Variants in CAD observed in about 807,000 individuals in gnomAD.
CAD encodes multifunctional protein CAD.
A neutral mutation model predicts 237.2 loss-of-function variants in CAD; 81 were observed. The ratio of observed to expected loss-of-function variants is 0.34; its 90% CI spans 0.29 to 0.41. The LOEUF is 0.41. CAD is among the 10% of genes least tolerant of loss of function. The probability of loss-of-function intolerance (pLI) is 1.00; values close to 1 mark genes in which losing one functional copy is unlikely to be tolerated. For missense variants in CAD, 2,181 were observed against 2,951.7 expected (o/e 0.74, Z 6.05); for synonymous variants, 1,196 against 1,162.8 (o/e 1.03, Z -0.58).
At chr2:27,227,025 A>G (rs1287538496) in intron 15 of CAD, 63 bp downstream of exon 15, 2 of 1,481,158 alleles carry the variant, frequency 1.4e-6, no homozygotes, top group Non-Finnish European at 1.9e-6. Flanking sequence ...TTAAATGTCA[A>G]GAGTTCCCTG....
In CAD at chr2:27,236,239, C is replaced by G. The variant is rs758325127; in HGVS notation, c.4075-45C>G. 1 of 1,601,732 alleles carries G rather than the reference C, an allele frequency of 6.2e-7. No individual in the cohort carries two copies. The highest frequency in any genetic ancestry group is 1.7e-5 in the Admixed American group (1 of 59,540). On this transcript the variant is annotated intron_variant, in intron 25 of 43. Transcript: ENST00000264705. This position sits in a 1 kb window ranked among gnomAD's most constrained non-coding sequence, Gnocchi z 4.1. ...TCTCCCTTAAGGCTAGCCTTCCTGA[C>G]CGCTGCCAGACAGCTTGGCCCTGAC...
chr2:27,233,919 A>ATG lies in CAD; in HGVS notation c.3400-86_3400-85dup, dbSNP rs1675882966. 6.5e-7 allele frequency: 1 copy of ATG among 1,542,462 alleles called. No individual in the cohort carries two copies. Among genetic ancestry groups the ATG allele is most frequent in the African/African-American group, 1.4e-5 (1 of 73,478 alleles). On this transcript the variant is annotated intron_variant, in intron 21 of 43. Coordinates refer to ENST00000264705, the MANE Select transcript of CAD (RefSeq NM_004341.5). This position sits in a 1 kb window ranked among gnomAD's most constrained non-coding sequence, Gnocchi z 6.3. ...GCACCAGGGCTGGGAACAGTGGGCT[A>ATG]TGTGGGGCTCGTTAAAGGAAGAGAC...
chr2:27,232,380 G>A lies in CAD; in HGVS notation c.2646-68G>A. 1 of 1,599,572 alleles carries A rather than the reference G, an allele frequency of 6.3e-7. No individual in the cohort carries two copies. Among genetic ancestry groups the A allele is most frequent in the African/African-American group, 1.3e-5 (1 of 74,704 alleles). Reference sequence around the variant, plus strand: ...TATTTCCTCTCATCTGTGCCCTGGGGTCTCAACCCTCTATCAGTCTGTACC... The same window carrying A: ...TATTTCCTCTCATCTGTGCCCTGGGATCTCAACCCTCTATCAGTCTGTACC... On this transcript the variant is annotated intron_variant, in intron 17 of 43. Transcript: ENST00000264705. This position sits in a 1 kb window ranked among gnomAD's most constrained non-coding sequence, Gnocchi z 4.1.
At position 27,232,630 on chromosome 2, in the gene CAD, A is replaced by G. The variant is rs1413147332; in HGVS notation, c.2828A>G (p.Tyr943Cys). ...GTCCTAGTCCTTGGCTCTGGCGTCTACCGTATTGGCTCTAGCGTTGAATTT... is the reference window on the plus strand; with the variant it reads ...GTCCTAGTCCTTGGCTCTGGCGTCTGCCGTATTGGCTCTAGCGTTGAATTT... Reference protein sequence around the residue: ...PHVLVLGSGVYRIGSSVEFDW... With the variant: ...PHVLVLGSGVCRIGSSVEFDW... Residue 943 changes from tyrosine (Y) to cysteine (C), a missense_variant, in exon 18 of 44, where the codon TAC becomes TGC. Coordinates refer to ENST00000264705, the MANE Select transcript of CAD (RefSeq NM_004341.5). This position sits in a 1 kb window ranked among gnomAD's most constrained non-coding sequence, Gnocchi z 4.1. The G allele has an allele frequency of 2.5e-6, 4 of 1,614,058 alleles. No individual in the cohort carries two copies. Among genetic ancestry groups the G allele is most frequent in the Non-Finnish European group, 1.7e-6 (2 of 1,180,040 alleles).
In CAD at chr2:27,239,564, T is replaced by G; in HGVS notation, c.5394+93T>G. 1.3e-6 allele frequency: 2 copies of G among 1,542,512 alleles called. No homozygotes were observed. Among genetic ancestry groups the G allele is most frequent in the Non-Finnish European group, 1.8e-6 (2 of 1,124,970 alleles). On this transcript the variant is annotated intron_variant, in intron 33 of 43. Transcript: ENST00000264705. This position sits in a 1 kb window ranked among gnomAD's most constrained non-coding sequence, Gnocchi z 4.0. ...CCAGCACATCTACACTGTCCCACTATGTGCACCACTGCCCTGGACCAGGGG... is the reference window on the plus strand; with the variant it reads ...CCAGCACATCTACACTGTCCCACTAGGTGCACCACTGCCCTGGACCAGGGG...
rs773337965 is a variant in CAD at position 27,242,097 on chromosome 2, C to T, written c.6070C>T (p.Arg2024Trp). 9 of 1,612,994 alleles carry T rather than the reference C, an allele frequency of 5.6e-6. No homozygotes were observed. The highest frequency in any genetic ancestry group is 3.3e-5 in the Admixed American group (2 of 60,002). The change falls in exon 39 of 44, where the codon CGG (arginine) becomes TGG (tryptophan). Residue 2024 changes from arginine to tryptophan, a missense_variant. Physicochemically the swap from Arg to Trp is moderately radical, Grantham distance 101. Coordinates refer to ENST00000264705, the MANE Select transcript of CAD (RefSeq NM_004341.5). The surrounding 1 kb of genome is among the most constrained non-coding windows in gnomAD (Gnocchi z 6.4). ...MSCYADVVVL[R>W]HPQPGAVELA... is the part of the protein sequence containing the mutation. ...CTGCTATGCCGACGTCGTCGTGCTC[C>T]GGCACCCCCAGCCTGGAGCAGTGGA...
In CAD at chr2:27,241,501, C is replaced by T. The variant is rs1676315371; in HGVS notation, c.5883+105C>T. On this transcript the variant is annotated intron_variant, in intron 38 of 43. Coordinates refer to ENST00000264705, the MANE Select transcript of CAD (RefSeq NM_004341.5). The surrounding 1 kb of genome is among the most constrained non-coding windows in gnomAD (Gnocchi z 4.6). ...GAGTGGGTCTTCCTCCCCCTGCCAT[C>T]CCGTCCCCTTATGCTAGTCCATCCC... 1 of 1,053,516 alleles carries T rather than the reference C, an allele frequency of 9.5e-7. No homozygotes were observed. The highest frequency in any genetic ancestry group is 1.8e-5 in the Admixed American group (1 of 56,854). 65.3% of individuals were successfully genotyped at this position (1,053,516 alleles called of 1,614,324 possible). A position where few individuals can be genotyped will look rare whatever the true frequency, so the allele number is the denominator to read the frequency against.
rs754896695 is a variant in CAD, at chr2:27,236,402, G to A, written c.4193G>A (p.Arg1398His). 6.2e-7 allele frequency: 1 copy of A among 1,614,238 alleles called. No individual in the cohort carries two copies. Among genetic ancestry groups the A allele is most frequent in the South Asian group, 1.1e-5 (1 of 91,092 alleles). Residue 1398 changes from arginine to histidine, a missense_variant, in exon 26 of 44, where the codon CGT becomes CAT. Arg to His is a conservative substitution (Grantham distance 29). This residue lies in a region of CAD where 306 missense variants were observed against 607.9 expected (regional missense o/e 0.50). Transcript: ENST00000264705. The surrounding 1 kb of genome is among the most constrained non-coding windows in gnomAD (Gnocchi z 4.1). ...GAGCTGGTGATTAACCTGTCAATGC[G>A]TGGAGCTGGGGGCCGGCGTCTCTCT... Reference protein sequence around the residue: ...NFELVINLSMRGAGGRRLSSF... With the variant: ...NFELVINLSMHGAGGRRLSSF...
chr2:27,222,699 G>T, intron 5 of CAD, 39 bp downstream of exon 5: 1 of 1,601,730 alleles, frequency 6.2e-7, no homozygotes, highest in South Asian at 1.1e-5. Context: ...CAGACAAGCA[G>T]CTTGGGTGGA....
In CAD at chr2:27,224,863, A is replaced by C. The variant is rs1296207747; in HGVS notation, c.1373A>C (p.His458Pro). 6.2e-7 allele frequency: 1 copy of C among 1,614,132 alleles called. No homozygotes were observed. The highest frequency in any genetic ancestry group is 8.5e-7 in the Non-Finnish European group (1 of 1,180,008). ...GTCTATTTTCTTCCCATAACACCTC[A>C]TTATGTAACCCAGGTATGACTGGGG... Reference protein sequence around the residue: ...DKVYFLPITPHYVTQVIRNER... With the variant: ...DKVYFLPITPPYVTQVIRNER... The change falls in exon 10 of 44, where the codon CAT becomes CCT. Residue 458 changes from histidine (H) to proline (P), a missense_variant. This residue lies in a region of CAD where 174 missense variants were observed against 215.8 expected (regional missense o/e 0.81). Coordinates refer to ENST00000264705, the MANE Select transcript of CAD (RefSeq NM_004341.5).
At chr2:27,226,716 CAG>C (rs1675458435) in intron 14 of CAD, 67 bp downstream of exon 14, 9 of 1,605,122 alleles carry the variant, frequency 5.6e-6, no homozygotes, top group African/African-American at 1.3e-5. Context: ...ATTGATGGGA[CAG>C]GGAATATGAA....
At position 27,221,234 on chromosome 2, in the gene CAD, G is replaced by T. The variant is rs916565287; in HGVS notation, c.239G>T (p.Gly80Val). ...CATCTACAGTGGTTTGAATCCTCGGGCATCCACGTAGCAGCACTGGTAGTG... is the reference window on the plus strand; with the variant it reads ...CATCTACAGTGGTTTGAATCCTCGGTCATCCACGTAGCAGCACTGGTAGTG... ...FGLCKWFESS[G>V]IHVAALVVGE... is the part of the protein sequence containing the mutation. The change falls in exon 3 of 44, where the codon GGC becomes GTC. Residue 80 changes from glycine (G) to valine (V), a missense_variant. By Grantham distance (109) the Gly-to-Val change is moderately radical. Around this residue, in one of 12 missense-constraint regions of CAD, gnomAD observed 314 missense variants for 339.4 expected, o/e 0.93. Coordinates refer to ENST00000264705, the MANE Select transcript of CAD (RefSeq NM_004341.5). The T allele has an allele frequency of 1.3e-6, 2 of 1,551,902 alleles. No homozygotes were observed. The highest frequency in any genetic ancestry group is 2.5e-5 in the South Asian group (2 of 80,742).
intron 2 of CAD, among the ~76,000 whole-genome samples, chr2:27,220,654 C>G (rs1332422830): frequency 7.0e-6 from 1 of 141,940 alleles, no homozygotes; most frequent in East Asian, 2.1e-4. Context: ...AAGACCCTGT[C>G]TCAAAAAAAA....
At chr2:27,234,789 A>ATT in intron 23 of CAD, 104 bp downstream of exon 23, 1 of 1,112,316 alleles carries the variant, frequency 9.0e-7, no homozygotes, top group Non-Finnish European at 1.3e-6. Context: ...ACTGCAAGGC[A>ATT]TTGCCGGATC....
chr2:27,224,679 T>A, intron 9 of CAD, 66 bp from the exon 10 acceptor site: 1 of 1,599,192 alleles, frequency 6.3e-7, no homozygotes, highest in Non-Finnish European at 8.6e-7. Flanking sequence ...AGGAGAATGC[T>A]ACTCTAAGGC....
At chr2:27,238,908 A>G (rs1676155845) in intron 31 of CAD, 134 bp from the exon 32 acceptor site, 1 of 897,576 alleles carries the variant, frequency 1.1e-6, no homozygotes, top group African/African-American at 1.7e-5. Flanking sequence ...CCTTGTTTCT[A>G]GTTCCCAGAA....
rs368518088 is a variant in CAD, at chr2:27,237,703, G to T, written c.4564-15G>T. 1.9e-5 allele frequency: 30 copies of T among 1,608,954 alleles called. No homozygotes were observed. Among genetic ancestry groups the T allele is most frequent in the Non-Finnish European group, 2.5e-5 (30 of 1,177,430 alleles). On this transcript the variant is annotated splice_polypyrimidine_tract_variant and intron_variant, in intron 28 of 43. Transcript: ENST00000264705. The surrounding 1 kb of genome is among the most constrained non-coding windows in gnomAD (Gnocchi z 4.0). The stretch of plus-strand genomic sequence containing the variant: ...ATGGGTGCCAGTGAGCCTTACCTCT[G>T]TGTATCCTCTCCAGCTGGCAGAGGC...
rs370782892 is a variant in CAD, at chr2:27,238,152, T to G, written c.4825T>G (p.Ser1609Ala). 3.1e-6 allele frequency: 5 copies of G among 1,614,096 alleles called. No individual in the cohort carries two copies. Among genetic ancestry groups the G allele is most frequent in the Non-Finnish European group, 4.2e-6 (5 of 1,180,018 alleles). Residue 1609 changes from serine to alanine, a missense_variant, in exon 30 of 44, where the codon TCA (serine) becomes GCA (alanine). By Grantham distance (99) the Ser-to-Ala change is moderately conservative. Transcript: ENST00000264705. ...VLMVAQLTQR[S>A]VHICHVARKE... ...CATGGTGGCTCAGCTCACTCAGCGC[T>G]CAGTGCACATATGTCACGTGGCACG...
Position 27,239,037 on chromosome 2 carries a change from C to A in CAD, c.5063-5C>A. ...TCCTGAGGGTAATGGCTTTCTTTCT[C>A]CCAGCTCCCCATACCTTGGAGGAGA... is the stretch of plus-strand genomic sequence containing the variant. On this transcript the variant is annotated splice_region_variant and splice_polypyrimidine_tract_variant and intron_variant, in intron 31 of 43. Transcript: ENST00000264705. The surrounding 1 kb of genome is among the most constrained non-coding windows in gnomAD (Gnocchi z 4.0). The A allele has an allele frequency of 6.5e-7, 1 of 1,542,698 alleles. No individual in the cohort carries two copies. The highest frequency in any genetic ancestry group is 8.7e-7 in the Non-Finnish European group (1 of 1,147,878).
Sources: allele counts gnomAD v4.1 joint callset (sites outside exome capture counted in the v4.1 genomes callset), GRCh38; gene constraint gnomAD v4.1.1; regional missense constraint gnomAD v4.1.1; non-coding constraint Gnocchi (gnomAD v3.1); transcripts MANE v1.5; gene names NCBI Gene and HGNC (gene_info 2026-07-23, HGNC 2026-07-21).